Variants in NOS1AP observed in about 807,000 individuals in gnomAD.
NOS1AP encodes carboxyl-terminal PDZ ligand of neuronal nitric oxide synthase protein.
Under a neutral mutation model 56.2 loss-of-function variants are expected in NOS1AP, and 21 were observed. The observed-to-expected ratio is 0.37, with a 90% CI of 0.26 to 0.54. The LOEUF (loss-of-function observed/expected upper bound fraction) is 0.54, where lower values mean the gene tolerates loss of function less well. Ranked by LOEUF, NOS1AP falls within the 20% of genes least tolerant of loss-of-function variation. The probability of loss-of-function intolerance (pLI) is 0.84; values close to 1 mark genes in which losing one functional copy is unlikely to be tolerated. For missense variants in NOS1AP, 522 were observed against 657.8 expected (o/e 0.79, Z 2.26); for synonymous variants, 270 against 274.6 (o/e 0.98, Z 0.17).
At position 162,227,911 on chromosome 1, in the gene NOS1AP, C is replaced by A. The variant is rs527890934; in HGVS notation, c.178-59433C>A. ...TAAAAAAGAGAAACCAGGGAGCAGTCTGAAAAGTTTGAAAAGTGTGTATAT... is the reference window on the plus strand; with the variant it reads ...TAAAAAAGAGAAACCAGGGAGCAGTATGAAAAGTTTGAAAAGTGTGTATAT... On this transcript the variant is annotated intron_variant, in intron 2 of 9. Coordinates refer to ENST00000361897, the MANE Select transcript of NOS1AP (RefSeq NM_014697.3). Among the ~76,000 whole-genome samples, 7 of 152,198 alleles carry A rather than the reference C, an allele frequency of 4.6e-5. No homozygotes were observed. In the South Asian group the frequency reaches 1.2e-3, roughly 27 times the overall value.
intron 4 of NOS1AP, among the ~76,000 whole-genome samples, chr1:162,310,554 C>T (rs539282625): frequency 5.3e-5 from 8 of 152,324 alleles, no homozygotes; most frequent in Non-Finnish European, 7.3e-5. Context: ...TTATTTCCTC[C>T]GGCTTCAAAA....
intron 1 of NOS1AP, among the ~76,000 whole-genome samples, chr1:162,091,866 C>T (rs1692137910): frequency 6.6e-6 from 1 of 152,102 alleles, no homozygotes; most frequent in African/African-American, 2.4e-5. Flanking sequence ...ACTACGTGGG[C>T]ATTAAGTAAT....
At chr1:162,140,333 C>T (rs868197677) in intron 1 of NOS1AP, among the ~76,000 whole-genome samples, 72 of 146,914 alleles carry the variant, frequency 4.9e-4, no homozygotes, top group Admixed American at 2.5e-3. Flanking sequence ...CAAGGGCACA[C>T]GTGCAGGTCT....
At chr1:162,265,824 A>G (rs1297807591) in intron 2 of NOS1AP, among the ~76,000 whole-genome samples, 2 of 152,236 alleles carry the variant, frequency 1.3e-5, no homozygotes, top group Admixed American at 6.5e-5. Flanking sequence ...TTAAAATAAC[A>G]TAAGCTTACA....
chr1:162,309,680 G>A (rs1238441178), intron 4 of NOS1AP, among the ~76,000 whole-genome samples: 1 of 152,188 alleles, frequency 6.6e-6, no homozygotes, highest in Admixed American at 6.5e-5. Flanking sequence ...TCAGTAGGGA[G>A]TTGGGGACAG....
intron 1 of NOS1AP, among the ~76,000 whole-genome samples, chr1:162,074,387 C>T (rs946549192): frequency 1.3e-5 from 2 of 152,196 alleles, no homozygotes; most frequent in Non-Finnish European, 2.9e-5. Context: ...AGTCCTAACA[C>T]TCATTGCCTA....
At chr1:162,179,818 C>T (rs1285725262) in intron 2 of NOS1AP, among the ~76,000 whole-genome samples, 3 of 152,176 alleles carry the variant, frequency 2.0e-5, no homozygotes, top group Non-Finnish European at 2.9e-5. Context: ...GCTTTGACCT[C>T]ATCCTGCTGG....
intron 1 of NOS1AP, among the ~76,000 whole-genome samples, chr1:162,091,323 C>T (rs916388644): frequency 1.1e-4 from 17 of 152,146 alleles, no homozygotes; most frequent in African/African-American, 4.1e-4. Context: ...ACCCTATTGG[C>T]TCTTTTGGGT....
intron 4 of NOS1AP, among the ~76,000 whole-genome samples, chr1:162,330,869 G>A (rs1378013840): frequency 1.3e-5 from 2 of 152,176 alleles, no homozygotes; most frequent in African/African-American, 4.8e-5. Context: ...TAGGGAGCGA[G>A]TCTGCAAGGA....
At chr1:162,301,667 G>A (rs759705937) in intron 4 of NOS1AP, among the ~76,000 whole-genome samples, 10 of 152,308 alleles carry the variant, frequency 6.6e-5, no homozygotes, top group South Asian at 4.1e-4. Flanking sequence ...ACAGGAGCTC[G>A]AGTCATGGGT....
chr1:162,166,978 T>C (rs1019578900), intron 2 of NOS1AP, among the ~76,000 whole-genome samples: 1 of 152,186 alleles, frequency 6.6e-6, no homozygotes, highest in Non-Finnish European at 1.5e-5. Flanking sequence ...CAGGTCCAGG[T>C]TGAAAACTAC....
chr1:162,239,101 T>C (rs1321932102), intron 2 of NOS1AP, among the ~76,000 whole-genome samples: 4 of 152,250 alleles, frequency 2.6e-5, no homozygotes, highest in African/African-American at 9.6e-5. Context: ...TTTTCTATGG[T>C]TCTTTGCCTT....
intron 2 of NOS1AP, among the ~76,000 whole-genome samples, chr1:162,275,100 T>C (rs541850669): frequency 2.6e-5 from 4 of 152,250 alleles, no homozygotes; most frequent in Non-Finnish European, 5.9e-5. Context: ...TTATTTTTTA[T>C]GGATCATGCT....
At chr1:162,335,676 C>T (rs1340576576) in intron 5 of NOS1AP, among the ~76,000 whole-genome samples, 1 of 152,128 alleles carries the variant, frequency 6.6e-6, no homozygotes, top group Non-Finnish European at 1.5e-5. Context: ...TGTGGGTGTT[C>T]TCCGGAGCCC....
At chr1:162,222,239 T>C (rs1407327737) in intron 2 of NOS1AP, among the ~76,000 whole-genome samples, 2 of 152,206 alleles carry the variant, frequency 1.3e-5, no homozygotes, top group Non-Finnish European at 2.9e-5. Flanking sequence ...TGGTTAATTT[T>C]CAACTTAAGC....
intron 2 of NOS1AP, among the ~76,000 whole-genome samples, chr1:162,236,796 AG>A (rs1240604224): frequency 3.3e-5 from 5 of 152,196 alleles, no homozygotes; most frequent in African/African-American, 1.2e-4. Flanking sequence ...GTATTGCAGA[AG>A]AGTCTGGCTG....
intron 3 of NOS1AP, 89 bp from the exon 4 acceptor site, chr1:162,300,544 G>A (rs1056188190): frequency 1.4e-5 from 17 of 1,193,964 alleles, no homozygotes; most frequent in Non-Finnish European, 2.1e-5. Flanking sequence ...CAGGTCAGGA[G>A]CAAAATGCAT....
intron 2 of NOS1AP, among the ~76,000 whole-genome samples, chr1:162,214,478 T>C (rs1652480878): frequency 6.6e-6 from 1 of 152,078 alleles, no homozygotes; most frequent in Admixed American, 6.5e-5. Flanking sequence ...TAGAGTGCCA[T>C]GGGGACTGGA....
At chr1:162,133,759 G>A (rs1352034675) in intron 1 of NOS1AP, among the ~76,000 whole-genome samples, 11 of 152,218 alleles carry the variant, frequency 7.2e-5, no homozygotes, top group Non-Finnish European at 1.6e-4. Context: ...GCCTTGAGAA[G>A]CTGCTAACTA....
Sources: allele counts gnomAD v4.1 joint callset (sites outside exome capture counted in the v4.1 genomes callset), GRCh38; gene constraint gnomAD v4.1.1; transcripts MANE v1.5; gene names NCBI Gene and HGNC (gene_info 2026-07-23, HGNC 2026-07-21).